The following USP48 variants were observed in gnomAD, a reference collection of about 807,000 sequenced individuals.
USP48 encodes the protein ubiquitin specific peptidase 48.
Under a neutral mutation model 150.7 loss-of-function variants are expected in USP48, and 43 were observed. The observed-to-expected ratio is 0.29, with a 90% CI of 0.22 to 0.37. The LOEUF (loss-of-function observed/expected upper bound fraction) is 0.37. Among genes scored for constraint, USP48 ranks in the 10% least tolerant of loss-of-function variants. The pLI is 1.00. For missense variants in USP48, 813 were observed against 1,249.6 expected (o/e 0.65, Z 5.27); for synonymous variants, 396 against 425.9 (o/e 0.93, Z 0.86).
chr1:21,734,355 T>C (rs556859882), intron 9 of USP48, among the ~76,000 whole-genome samples: 2 of 152,200 alleles, frequency 1.3e-5, no homozygotes, highest in Admixed American at 6.5e-5. Context: ...GCCATGTTCA[T>C]GCCACTGTAC....
intron 8 of USP48, among the ~76,000 whole-genome samples, chr1:21,743,672 A>G (rs1322405563): frequency 6.6e-6 from 1 of 152,190 alleles, no homozygotes; most frequent in Non-Finnish European, 1.5e-5. Flanking sequence ...AAGGGGAGGA[A>G]GGTGGTTTTA....
chr1:21,725,162 G>C (rs1399476369), intron 11 of USP48: 1 of 152,114 alleles, frequency 6.6e-6, no homozygotes, highest in East Asian at 1.9e-4. Flanking sequence ...TCAACTAAGA[G>C]CCTTCTAACT....
At chr1:21,688,842 C>CAAAAAAAA (rs1185263002) in intron 24 of USP48, among the ~76,000 whole-genome samples, 1 of 88,970 alleles carries the variant, frequency 1.1e-5, no homozygotes. Context: ...GACTCCATCT[C>CAAAAAAAA]AAAAAAAAAA....
intron 1 of USP48, among the ~76,000 whole-genome samples, chr1:21,775,918 T>C (rs1198221554): frequency 6.6e-6 from 1 of 152,158 alleles, no homozygotes; most frequent in Non-Finnish European, 1.5e-5. Flanking sequence ...AGATTAACTG[T>C]AACAAAAAGA....
chr1:21,679,563 C>A, intron 26 of USP48, 124 bp from the exon 27 acceptor site: 1 of 1,214,822 alleles, frequency 8.2e-7, no homozygotes, highest in South Asian at 1.3e-5. Flanking sequence ...CACAGTCGCA[C>A]CTTGGTGTGG....
intron 6 of USP48, among the ~76,000 whole-genome samples, chr1:21,750,495 C>T (rs1242105570): frequency 6.6e-6 from 1 of 152,128 alleles, no homozygotes; most frequent in Non-Finnish European, 1.5e-5. Flanking sequence ...CTGTCCCTCC[C>T]TTGTGCCTAC....
At chr1:21,748,989 A>G (rs969135079) in intron 6 of USP48, among the ~76,000 whole-genome samples, 6 of 152,218 alleles carry the variant, frequency 3.9e-5, no homozygotes, top group African/African-American at 7.2e-5. Context: ...AATTATATAC[A>G]TATTTGTTTA....
At chr1:21,777,088 T>TGGACAACA (rs2097901563) in intron 1 of USP48, among the ~76,000 whole-genome samples, 1 of 151,050 alleles carries the variant, frequency 6.6e-6, no homozygotes, top group Non-Finnish European at 1.5e-5. Context: ...ACACTCAGCC[T>TGGACAACA]GGACAACAGA....
chr1:21,782,971 G>C lies in USP48; in HGVS notation c.-14C>G. 6.5e-7 allele frequency: 1 copy of C among 1,527,780 alleles called. No individual in the cohort carries two copies. The highest frequency in any genetic ancestry group is 8.8e-7 in the Non-Finnish European group (1 of 1,141,804). 94.6% of individuals were successfully genotyped at this position (1,527,780 alleles called of 1,614,324 possible). ...CCGCGGGGCCATGGCCTTGGCCCCA[G>C]GAACGCCTCCCGAGCCAGACCGCCG... On this transcript the variant is annotated 5_prime_UTR_variant, in exon 1 of 27. Transcript: ENST00000308271.
chr1:21,779,188 T>C (rs897167131), intron 1 of USP48, among the ~76,000 whole-genome samples: 1 of 151,996 alleles, frequency 6.6e-6, no homozygotes, highest in African/African-American at 2.4e-5. Flanking sequence ...CAGTGAGCCA[T>C]GATTGCACTG....
chr1:21,705,886 G>GAA (rs1184729237), intron 18 of USP48, 49 bp from the exon 19 acceptor site: 1 of 1,393,482 alleles, frequency 7.2e-7, no homozygotes, highest in Non-Finnish European at 9.8e-7. Flanking sequence ...ACTGCATGAC[G>GAA]AAAGAGAAGA....
intron 1 of USP48, among the ~76,000 whole-genome samples, chr1:21,780,738 A>ATTTTTTTTTTTTTT (rs34071636): frequency 8.5e-6 from 1 of 117,452 alleles, no homozygotes; most frequent in African/African-American, 3.2e-5. Context: ...AGATAAGATA[A>ATTTTTTTTTTTTTT]TTTTTTTTTT....
intron 9 of USP48, among the ~76,000 whole-genome samples, chr1:21,734,705 G>A (rs1289155438): frequency 6.6e-6 from 1 of 152,204 alleles, no homozygotes; most frequent in Non-Finnish European, 1.5e-5. Flanking sequence ...GACCACACTT[G>A]TGAGTCTGCA....
intron 1 of USP48, among the ~76,000 whole-genome samples, chr1:21,776,615 A>AT (rs2097899381): frequency 6.7e-6 from 1 of 149,964 alleles, no homozygotes; most frequent in Admixed American, 6.7e-5. Flanking sequence ...AAAAAAAAAA[A>AT]AAAGAAGAAA....
intron 8 of USP48, among the ~76,000 whole-genome samples, chr1:21,737,322 C>A (rs1361695606): frequency 6.6e-6 from 1 of 151,996 alleles, no homozygotes; most frequent in Admixed American, 6.6e-5. Flanking sequence ...CAGGTGTAGG[C>A]CAAACAGTTG....
At chr1:21,681,531 G>A (rs748984974) in intron 25 of USP48, among the ~76,000 whole-genome samples, 2 of 152,086 alleles carry the variant, frequency 1.3e-5, no homozygotes, top group Non-Finnish European at 2.9e-5. Flanking sequence ...CAAAGTGATG[G>A]GATTACAGGA....
chr1:21,704,641 A>G (rs2097666958), intron 19 of USP48: 1 of 367,232 alleles, frequency 2.7e-6, no homozygotes, highest in Non-Finnish European at 4.8e-6. Flanking sequence ...ATTGAGTAAA[A>G]TAAGTTAGTT....
intron 8 of USP48, among the ~76,000 whole-genome samples, chr1:21,744,865 G>C (rs1437318534): frequency 6.9e-6 from 1 of 145,160 alleles, no homozygotes; most frequent in Admixed American, 7.0e-5. Context: ...AGGGGCTAAT[G>C]TTCAAAAATG....
intron 12 of USP48, among the ~76,000 whole-genome samples, chr1:21,723,458 G>A (rs2097727536): frequency 6.6e-6 from 1 of 151,160 alleles, no homozygotes; most frequent in South Asian, 2.1e-4. Flanking sequence ...AGGTTGCAGT[G>A]AGTCGAGATT....
Sources: allele counts gnomAD v4.1 joint callset (sites outside exome capture counted in the v4.1 genomes callset), GRCh38; gene constraint gnomAD v4.1.1; transcripts MANE v1.5; gene names NCBI Gene and HGNC (gene_info 2026-07-23, HGNC 2026-07-21).